GLDN: variants seen among roughly 807,000 people sequenced by gnomAD.
GLDN encodes the protein gliomedin.
A neutral mutation model predicts 56.5 loss-of-function variants in GLDN; 47 were observed. That is an observed-to-expected ratio of 0.83 (90% confidence interval 0.66 to 1.06). GLDN has a LOEUF of 1.06. GLDN is among the 50% of genes least tolerant of loss of function. The pLI is 0.00. For missense variants in GLDN, 782 were observed against 714.3 expected (o/e 1.09, Z -1.08); for synonymous variants, 332 against 278.8 (o/e 1.19, Z -1.90).
intron 4 of GLDN, among the ~76,000 whole-genome samples, chr15:51,390,753 T>C (rs2037999792): frequency 6.6e-6 from 1 of 151,870 alleles, no homozygotes; most frequent in Admixed American, 6.6e-5. Context: ...CTGATGAAAC[T>C]GTTTGTTTTG....
chr15:51,359,564 C>A (rs1432927261), intron 1 of GLDN, among the ~76,000 whole-genome samples: 1 of 152,128 alleles, frequency 6.6e-6, no homozygotes, highest in East Asian at 1.9e-4. Flanking sequence ...GACTTACATA[C>A]TAGAGGGATT....
intron 2 of GLDN, 80 bp downstream of exon 2, chr15:51,377,580 G>A (rs1032901760): frequency 4.9e-6 from 5 of 1,012,402 alleles, no homozygotes; most frequent in Non-Finnish European, 3.0e-6. Flanking sequence ...GAACGCCTAG[G>A]GACACTTTGT....
rs891733226 is a variant in GLDN, at chr15:51,407,781, C to A, written c.*3027C>A. The A allele has an allele frequency of 1.3e-5, 2 of 152,166 alleles. No individual in the cohort carries two copies. Among genetic ancestry groups the A allele is most frequent in the Non-Finnish European group, 2.9e-5 (2 of 68,046 alleles). The allele number at this position is 152,166 out of a possible 1,614,324, so 9.4% of individuals were successfully genotyped here. On this transcript the variant is annotated 3_prime_UTR_variant, in exon 10 of 10. Coordinates refer to ENST00000335449, the MANE Select transcript of GLDN (RefSeq NM_181789.4). The stretch of plus-strand genomic sequence containing the variant: ...GATGAGTGAGGTGTCATCTTCCAAC[C>A]ACACAGAGGACGTTTTGGCTATGAT...
intron 1 of GLDN, among the ~76,000 whole-genome samples, chr15:51,356,779 T>C (rs2037195439): frequency 6.6e-6 from 1 of 152,224 alleles, no homozygotes; most frequent in Non-Finnish European, 1.5e-5. Flanking sequence ...CAATAATCTA[T>C]GTAAAGTCCT....
chr15:51,398,716 C>T (rs2141128937), intron 6 of GLDN, among the ~76,000 whole-genome samples: 1 of 152,318 alleles, frequency 6.6e-6, no homozygotes, highest in South Asian at 2.1e-4. Flanking sequence ...AATGTGAGAC[C>T]ACGGCACAGC....
intron 1 of GLDN, among the ~76,000 whole-genome samples, chr15:51,374,078 T>C (rs2037572963): frequency 6.6e-6 from 1 of 152,238 alleles, no homozygotes; most frequent in Non-Finnish European, 1.5e-5. Context: ...AAGATTAACA[T>C]AATTTACTGG....
At chr15:51,384,465 C>T (rs896396743) in intron 4 of GLDN, 6 of 159,820 alleles carry the variant, frequency 3.8e-5, no homozygotes, top group South Asian at 1.9e-4. Flanking sequence ...GCTGGCATCT[C>T]GGAGGAGCTT....
chr15:51,373,522 T>C (rs2037558327), intron 1 of GLDN, among the ~76,000 whole-genome samples: 1 of 152,230 alleles, frequency 6.6e-6, no homozygotes, highest in South Asian at 2.1e-4. Context: ...TGATAAGTGC[T>C]ACAAAGACAA....
rs1436635609 is a variant in GLDN, at chr15:51,405,309, C to G, written c.*555C>G. The G allele has an allele frequency of 6.6e-6, 1 of 151,676 alleles. No individual in the cohort carries two copies. 9.4% of individuals were successfully genotyped at this position (151,676 alleles called of 1,614,324 possible). A position where few individuals can be genotyped will look rare whatever the true frequency, so the allele number is the denominator to read the frequency against. On this transcript the variant is annotated 3_prime_UTR_variant, in exon 10 of 10. Coordinates refer to ENST00000335449, the MANE Select transcript of GLDN (RefSeq NM_181789.4). ...ATCTGCACCTGCCACCACAGAATAACCATTACCCTCAGCTGCTGATTGGGC... is the reference window on the plus strand; with the variant it reads ...ATCTGCACCTGCCACCACAGAATAAGCATTACCCTCAGCTGCTGATTGGGC...
At chr15:51,353,572 G>A (rs576786478) in intron 1 of GLDN, among the ~76,000 whole-genome samples, 288 of 152,108 alleles carry the variant, frequency 1.9e-3, no homozygotes, top group Non-Finnish European at 3.5e-3. Context: ...TTGTATGCTG[G>A]CATTTGGAAA....
At chr15:51,370,606 C>T (rs2141077513) in intron 1 of GLDN, among the ~76,000 whole-genome samples, 1 of 150,894 alleles carries the variant, frequency 6.6e-6, no homozygotes, top group Non-Finnish European at 1.5e-5. Context: ...GCTTTCCATT[C>T]TCTCTGGATT....
At position 51,394,887 on chromosome 15, in the gene GLDN, T is replaced by C. The variant is rs776659422; in HGVS notation, c.594T>C (p.His198=). 3 of 1,613,584 alleles carry C rather than the reference T, an allele frequency of 1.9e-6. No homozygotes were observed. In the South Asian group the frequency reaches 3.3e-5, roughly 18 times the overall value. Residue 198 remains histidine, a synonymous_variant, in exon 5 of 10, where the codon CAT becomes CAC. Coordinates refer to ENST00000335449, the MANE Select transcript of GLDN (RefSeq NM_181789.4). ...NPGERGEKGD[H]GELGLQGNEG... Reference sequence around the variant, plus strand: ...GGGAAAGGGGAGAAAAGGGAGACCATGGTGAACTGGGCCTGCAGGGAAATG... The same window carrying C: ...GGGAAAGGGGAGAAAAGGGAGACCACGGTGAACTGGGCCTGCAGGGAAATG...
intron 1 of GLDN, among the ~76,000 whole-genome samples, chr15:51,365,939 C>G (rs2037391722): frequency 1.3e-5 from 2 of 152,200 alleles, no homozygotes; most frequent in Admixed American, 1.3e-4. Flanking sequence ...TAAAAAGAGC[C>G]TGTCCCCTTT....
chr15:51,392,008 T>A (rs1302448952), intron 4 of GLDN, among the ~76,000 whole-genome samples: 4 of 152,388 alleles, frequency 2.6e-5, no homozygotes, highest in Non-Finnish European at 5.9e-5. Flanking sequence ...AGTTTTCTTC[T>A]AACAGTGATC....
At chr15:51,349,701 C>A (rs867472127) in intron 1 of GLDN, among the ~76,000 whole-genome samples, 4 of 151,930 alleles carry the variant, frequency 2.6e-5, no homozygotes, top group Non-Finnish European at 4.4e-5. Flanking sequence ...TTTGCCAGAC[C>A]TCCACTTACA....
chr15:51,396,793 G>A (rs761843989), intron 5 of GLDN, among the ~76,000 whole-genome samples: 1 of 152,172 alleles, frequency 6.6e-6, no homozygotes, highest in Non-Finnish European at 1.5e-5. Context: ...ACCAGGCACT[G>A]TGCTTCGACC....
intron 2 of GLDN, among the ~76,000 whole-genome samples, chr15:51,379,158 G>A (rs767134673): frequency 3.9e-5 from 6 of 152,296 alleles, no homozygotes; most frequent in South Asian, 2.1e-4. Context: ...CAGTTGGATC[G>A]TGAGGGTAAT....
At chr15:51,403,179 C>T (rs563458394) in intron 9 of GLDN, among the ~76,000 whole-genome samples, 21 of 152,254 alleles carry the variant, frequency 1.4e-4, no homozygotes, top group African/African-American at 4.3e-4. Context: ...TGGGACCTGA[C>T]GGAGAAGCAG....
intron 2 of GLDN, among the ~76,000 whole-genome samples, chr15:51,377,934 A>T (rs1202486357): frequency 6.6e-6 from 1 of 152,182 alleles, no homozygotes; most frequent in Non-Finnish European, 1.5e-5. Flanking sequence ...ACTTTAAAAC[A>T]TTACCATGAG....
Sources: gnomAD v4.1 joint callset for allele counts (sites outside exome capture counted in the v4.1 genomes callset) on GRCh38, gnomAD v4.1.1 for gene constraint, MANE v1.5 for transcripts, NCBI Gene and HGNC (gene_info 2026-07-23, HGNC 2026-07-21) for gene names.